SMARCA2: variants seen among roughly 807,000 people sequenced by gnomAD.
The protein encoded by SMARCA2 is SWI/SNF related BAF chromatin remodeling complex subunit ATPase 2.
A neutral mutation model predicts 199.8 loss-of-function variants in SMARCA2; 61 were observed. The ratio of observed to expected loss-of-function variants is 0.31; its 90% CI spans 0.25 to 0.38. The LOEUF (loss-of-function observed/expected upper bound fraction) is 0.38, where lower values mean the gene tolerates loss of function less well. Ranked by LOEUF, SMARCA2 falls within the 10% of genes least tolerant of loss-of-function variation. SMARCA2 has a pLI of 1.00. For missense variants in SMARCA2, 1,344 were observed against 2,012.2 expected (o/e 0.67, Z 6.35); for synonymous variants, 935 against 732.0 (o/e 1.28, Z -4.48).
chr9:2,034,326 G>C (rs1171300935), intron 3 of SMARCA2, among the ~76,000 whole-genome samples: 1 of 151,694 alleles, frequency 6.6e-6, no homozygotes, highest in African/African-American at 2.4e-5. Flanking sequence ...CATATTTGGA[G>C]GAGGGGGAAC....
intron 3 of SMARCA2, among the ~76,000 whole-genome samples, chr9:2,037,550 CTT>C (rs1280652985): frequency 2.0e-5 from 3 of 152,128 alleles, no homozygotes; most frequent in Non-Finnish European, 4.4e-5. Context: ...GTAACTGAAT[CTT>C]TTATTTTCTG....
At chr9:2,100,665 T>G (rs1368188457) in intron 21 of SMARCA2, among the ~76,000 whole-genome samples, 3 of 151,110 alleles carry the variant, frequency 2.0e-5, no homozygotes, top group African/African-American at 7.3e-5. Context: ...ACTGCGCCAC[T>G]GCACTCCAGC....
At chr9:2,109,056 T>C (rs978191339) in intron 23 of SMARCA2, among the ~76,000 whole-genome samples, 1 of 152,234 alleles carries the variant, frequency 6.6e-6, no homozygotes, top group Non-Finnish European at 1.5e-5. Context: ...TTTTATTAAA[T>C]GTGAAAAACA....
intron 22 of SMARCA2, among the ~76,000 whole-genome samples, chr9:2,102,438 T>C (rs1273357997): frequency 6.6e-6 from 1 of 152,184 alleles, no homozygotes. Context: ...CGGGAAGACA[T>C]ACGTTTGAAA....
At chr9:2,154,894 AGACAAGCG>A (rs1479945912) in intron 27 of SMARCA2, among the ~76,000 whole-genome samples, 7 of 152,240 alleles carry the variant, frequency 4.6e-5, no homozygotes, top group Admixed American at 2.0e-4. Context: ...CCTGCTCAAC[AGACAAGCG>A]GATGGAGTTC....
intron 9 of SMARCA2, among the ~76,000 whole-genome samples, chr9:2,066,071 C>T (rs59687702): frequency 0.017 from 2,618 of 152,250 alleles, 76 homozygotes; most frequent in African/African-American, 0.059. Flanking sequence ...GCTCAAAGGT[C>T]CCCTTAAATG....
In SMARCA2 at chr9:2,110,518, A is replaced by G. The variant is rs1312147392; in HGVS notation, c.3456+101A>G. On this transcript the variant is annotated intron_variant, in intron 24 of 33. Transcript: ENST00000349721. This position sits in a 1 kb window ranked among gnomAD's most constrained non-coding sequence, Gnocchi z 4.8. ...TTTACAGGACAGAGCAAATATCTAA[A>G]CGAGTGGGCTGTTGCTTTCTTGGAG... 5.5e-6 allele frequency: 5 copies of G among 916,530 alleles called. No homozygotes were observed. The highest frequency in any genetic ancestry group is 3.6e-4 in the Middle Eastern group (1 of 2,778). 56.8% of individuals were successfully genotyped at this position (916,530 alleles called of 1,614,324 possible).
intron 31 of SMARCA2, among the ~76,000 whole-genome samples, chr9:2,183,283 A>G (rs970676471): frequency 8.5e-5 from 13 of 152,224 alleles, no homozygotes; most frequent in Non-Finnish European, 2.9e-5. Flanking sequence ...ATAGGAAAAA[A>G]AGAAACACTG....
chr9:2,182,725 C>T (rs1265341858), intron 31 of SMARCA2, among the ~76,000 whole-genome samples: 2 of 151,890 alleles, frequency 1.3e-5, no homozygotes, highest in East Asian at 1.9e-4. Flanking sequence ...GAACTCCTGA[C>T]CTCAGGTGAT....
intron 19 of SMARCA2, among the ~76,000 whole-genome samples, chr9:2,094,095 G>A (rs959580867): frequency 1.3e-5 from 2 of 152,192 alleles, no homozygotes; most frequent in African/African-American, 4.8e-5. Flanking sequence ...AGTTAGAAAG[G>A]AGCCTTAAGA....
intron 29 of SMARCA2, among the ~76,000 whole-genome samples, chr9:2,171,342 A>C (rs1826237425): frequency 6.6e-6 from 1 of 152,190 alleles, no homozygotes; most frequent in African/African-American, 2.4e-5. Context: ...CCAGCATAGG[A>C]TCCAATCTAG....
intron 27 of SMARCA2, among the ~76,000 whole-genome samples, chr9:2,133,973 C>T (rs1286404455): frequency 1.3e-5 from 2 of 152,160 alleles, no homozygotes; most frequent in East Asian, 3.9e-4. Flanking sequence ...CATAGCTTTG[C>T]TTTCCTCTCA....
At chr9:2,103,064 C>G (rs1248955408) in intron 22 of SMARCA2, among the ~76,000 whole-genome samples, 4 of 152,016 alleles carry the variant, frequency 2.6e-5, no homozygotes, top group Non-Finnish European at 5.9e-5. Context: ...CTCTCCACCC[C>G]AGTGCCCCCG....
At chr9:2,183,928 CCTAT>C (rs1827239319) in intron 31 of SMARCA2, among the ~76,000 whole-genome samples, 1 of 152,146 alleles carries the variant, frequency 6.6e-6, no homozygotes, top group South Asian at 2.1e-4. Context: ...CTACAACCTT[CCTAT>C]CTGTTTTCAC....
chr9:2,083,277 G>A, intron 15 of SMARCA2, 70 bp from the exon 16 acceptor site: 1 of 1,002,770 alleles, frequency 1.0e-6, no homozygotes, highest in Non-Finnish European at 1.5e-6. Flanking sequence ...ACATGAATAA[G>A]AACATCTTTT....
chr9:2,163,434 G>C (rs1324983718), intron 28 of SMARCA2, among the ~76,000 whole-genome samples: 1 of 152,138 alleles, frequency 6.6e-6, no homozygotes, highest in East Asian at 1.9e-4. Flanking sequence ...TTTGTCCAGA[G>C]TGAACATGAA....
Position 2,039,559 on chromosome 9 carries a change from C to A in SMARCA2, c.449C>A (p.Pro150Gln). The change falls in exon 4 of 34, where the codon CCA becomes CAA. Residue 150 changes from proline (P) to glutamine (Q), a missense_variant. Physicochemically the swap from Pro to Gln is moderately conservative, Grantham distance 76. This residue lies in a region of SMARCA2 where 275 missense variants were observed against 247.5 expected (regional missense o/e 1.11). Transcript: ENST00000349721. The surrounding 1 kb of genome is among the most constrained non-coding windows in gnomAD (Gnocchi z 4.8). ...GGCCCAACTCCACCTCAGATGCCACCAAGCCAGCCGGGGGCCCTCATCCCA... is the reference window on the plus strand; with the variant it reads ...GGCCCAACTCCACCTCAGATGCCACAAAGCCAGCCGGGGGCCCTCATCCCA... The part of the protein sequence containing the change: ...GGGPTPPQMP[P>Q]SQPGALIPGD... 6.2e-7 allele frequency: 1 copy of A among 1,614,168 alleles called. No homozygotes were observed. Among genetic ancestry groups the A allele is most frequent in the Non-Finnish European group, 8.5e-7 (1 of 1,180,042 alleles).
chr9:2,182,060 T>G (rs978008613), intron 30 of SMARCA2, 81 bp from the exon 31 acceptor site: 1 of 922,890 alleles, frequency 1.1e-6, no homozygotes, highest in Non-Finnish European at 1.8e-6. Flanking sequence ...AAAGGGAAAA[T>G]CAGGCTTTGT....
chr9:2,036,744 T>C (rs1315783089), intron 3 of SMARCA2, among the ~76,000 whole-genome samples: 1 of 152,198 alleles, frequency 6.6e-6, no homozygotes, highest in African/African-American at 2.4e-5. Flanking sequence ...TCTGATCAAA[T>C]TTGAGGTAGG....
Sources: allele counts gnomAD v4.1 joint callset (sites outside exome capture counted in the v4.1 genomes callset), GRCh38; gene constraint gnomAD v4.1.1; regional missense constraint gnomAD v4.1.1; non-coding constraint Gnocchi (gnomAD v3.1); transcripts MANE v1.5; gene names NCBI Gene and HGNC (gene_info 2026-07-23, HGNC 2026-07-21).